Variants in NOVA1 observed in about 807,000 individuals in gnomAD.
NOVA1 encodes the protein RNA-binding protein Nova-1.
A neutral mutation model predicts 38.0 loss-of-function variants in NOVA1; 7 were observed. The ratio of observed to expected loss-of-function variants is 0.18; its 90% confidence interval spans 0.10 to 0.35. The LOEUF is 0.35. Ranked by LOEUF, NOVA1 falls within the 10% of genes least tolerant of loss-of-function variation. The pLI, the probability that NOVA1 is intolerant of heterozygous loss-of-function variation, is 1.00. For synonymous variants in NOVA1, 270 were observed against 232.5 expected (o/e 1.16, Z -1.47); for missense variants, 460 against 616.0 (o/e 0.75, Z 2.68).
At chr14:26,477,563 AC>A (rs1430815910) in intron 3 of NOVA1, among the ~76,000 whole-genome samples, 1 of 152,128 alleles carries the variant, frequency 6.6e-6, no homozygotes, top group Non-Finnish European at 1.5e-5. Flanking sequence ...TGGATAAAAT[AC>A]CTGGTTCATT....
Position 26,450,382 on chromosome 14 carries a change from T to TACACACAC in NOVA1, c.520-1427_520-1420dup, listed in dbSNP as rs149590260. 1.3e-4 allele frequency among the ~76,000 whole-genome samples: 19 copies of TACACACAC among 149,908 alleles called. No individual in the cohort carries two copies. In the East Asian group the frequency reaches 2.4e-3, roughly 19 times the overall value. The stretch of plus-strand genomic sequence containing the variant: ...CTCACAAATATATTTACACATATAA[T>TACACACAC]ACACACACACACACACACACAAACC... On this transcript the variant is annotated intron_variant, in intron 4 of 4. Transcript: ENST00000539517.
At chr14:26,461,846 A>T (rs1395133655) in intron 4 of NOVA1, among the ~76,000 whole-genome samples, 1 of 151,588 alleles carries the variant, frequency 6.6e-6, no homozygotes, top group African/African-American at 2.4e-5. Flanking sequence ...AGGCTGAGGC[A>T]GGAGAATCTC....
At position 26,472,381 on chromosome 14, in the gene NOVA1, G is replaced by T; in HGVS notation, c.458C>A (p.Ser153Tyr). The T allele has an allele frequency of 6.5e-7, 1 of 1,535,748 alleles. No homozygotes were observed. Residue 153 changes from serine (S) to tyrosine (Y), a missense_variant, in exon 4 of 5, where the codon TCT (serine) becomes TAT (tyrosine). Coordinates refer to ENST00000539517, the MANE Select transcript of NOVA1 (RefSeq NM_002515.3). ...AGAGGACTTGGTGGTAGTTGGGGAA[G>T]ATGGCAATGTCTGGGAAACAAAGCA... ...NPDRIKQTLPSSPTTTKSSPS... is the reference protein window; with the variant it reads ...NPDRIKQTLPYSPTTTKSSPS...
chr14:26,560,268 A>C (rs1289788153), intron 2 of NOVA1, among the ~76,000 whole-genome samples: 1 of 152,140 alleles, frequency 6.6e-6, no homozygotes, highest in African/African-American at 2.4e-5. Context: ...TCTACCACAA[A>C]GTTGTGGAAA....
chr14:26,451,709 CTT>C (rs751345020), intron 4 of NOVA1, among the ~76,000 whole-genome samples: 2 of 152,116 alleles, frequency 1.3e-5, no homozygotes, highest in Non-Finnish European at 2.9e-5. Context: ...ATAGTGTTAA[CTT>C]TTAATGACAG....
At chr14:26,525,939 A>G (rs1349456639) in intron 2 of NOVA1, among the ~76,000 whole-genome samples, 2 of 152,138 alleles carry the variant, frequency 1.3e-5, no homozygotes, top group African/African-American at 4.8e-5. Flanking sequence ...TTCTAAAATC[A>G]AATGTGTTAT....
chr14:26,597,148 G>A (rs916909069), intron 1 of NOVA1, 153 bp downstream of exon 1: 53 of 1,207,372 alleles, frequency 4.4e-5, no homozygotes, highest in Non-Finnish European at 5.1e-5. Context: ...GGGAGGGGGC[G>A]CGGGGCAGGG....
intron 2 of NOVA1, among the ~76,000 whole-genome samples, chr14:26,565,562 G>A (rs556695717): frequency 1.3e-5 from 2 of 152,172 alleles, no homozygotes; most frequent in South Asian, 4.2e-4. Flanking sequence ...AATTCGGTGT[G>A]ATATGACAGC....
At chr14:26,499,958 G>A (rs1887133118) in intron 2 of NOVA1, among the ~76,000 whole-genome samples, 1 of 152,042 alleles carries the variant, frequency 6.6e-6, no homozygotes, top group South Asian at 2.1e-4. Flanking sequence ...TAGTTTCCTA[G>A]TAATTACACT....
At chr14:26,507,748 T>C (rs1401221066) in intron 2 of NOVA1, among the ~76,000 whole-genome samples, 1 of 152,146 alleles carries the variant, frequency 6.6e-6, no homozygotes, top group Non-Finnish European at 1.5e-5. Context: ...TTCATCATGT[T>C]AACCTTTACA....
intron 2 of NOVA1, among the ~76,000 whole-genome samples, chr14:26,558,840 TATATC>T (rs1891647139): frequency 6.6e-6 from 1 of 152,144 alleles, no homozygotes; most frequent in African/African-American, 2.4e-5. Flanking sequence ...AAACCATACT[TATATC>T]ATTCTAAAAT....
chr14:26,526,742 AT>A (rs1015088475), intron 2 of NOVA1, among the ~76,000 whole-genome samples: 2 of 152,130 alleles, frequency 1.3e-5, no homozygotes, highest in Non-Finnish European at 2.9e-5. Context: ...GCTAAAAACA[AT>A]TTGTCGTTAT....
chr14:26,575,543 A>G (rs1267448389), intron 2 of NOVA1, among the ~76,000 whole-genome samples: 2 of 152,146 alleles, frequency 1.3e-5, no homozygotes, highest in African/African-American at 4.8e-5. Flanking sequence ...AAATGAAATC[A>G]AAAGCATACA....
At chr14:26,459,904 C>G (rs1281978064) in intron 4 of NOVA1, among the ~76,000 whole-genome samples, 1 of 151,778 alleles carries the variant, frequency 6.6e-6, no homozygotes, top group African/African-American at 2.4e-5. Context: ...TTTTTATTGT[C>G]ATTTTTACCA....
chr14:26,574,271 C>CAA (rs1566550152), intron 2 of NOVA1, among the ~76,000 whole-genome samples: 5 of 87,990 alleles, frequency 5.7e-5, no homozygotes, highest in Non-Finnish European at 8.9e-5. Flanking sequence ...TGATCCACCC[C>CAA]CCCCCCCCCG....
intron 2 of NOVA1, among the ~76,000 whole-genome samples, chr14:26,525,274 T>C (rs1308646361): frequency 6.6e-6 from 1 of 152,166 alleles, no homozygotes; most frequent in Admixed American, 6.5e-5. Flanking sequence ...ATAAAACAGA[T>C]GTGGCCAATT....
chr14:26,512,789 CTT>C (rs1409130444), intron 2 of NOVA1, among the ~76,000 whole-genome samples: 1 of 151,558 alleles, frequency 6.6e-6, no homozygotes, highest in Non-Finnish European at 1.5e-5. Context: ...TATTATAAAA[CTT>C]TACTTGAAGT....
At chr14:26,535,991 A>AG (rs1187393675) in intron 2 of NOVA1, among the ~76,000 whole-genome samples, 1 of 151,966 alleles carries the variant, frequency 6.6e-6, no homozygotes, top group Non-Finnish European at 1.5e-5. Context: ...AAAAAAAAAA[A>AG]AAAATGTGGT....
At chr14:26,504,236 C>G (rs1055070374) in intron 2 of NOVA1, among the ~76,000 whole-genome samples, 1 of 152,124 alleles carries the variant, frequency 6.6e-6, no homozygotes, top group African/African-American at 2.4e-5. Flanking sequence ...TACTATGTAG[C>G]GTACATCTGG....
Sources: gnomAD v4.1 joint callset for allele counts (sites outside exome capture counted in the v4.1 genomes callset) on GRCh38, gnomAD v4.1.1 for gene constraint, MANE v1.5 for transcripts, NCBI Gene and HGNC (gene_info 2026-07-23, HGNC 2026-07-21) for gene names.